The following HAS3 variants were observed in gnomAD, a reference collection of about 807,000 sequenced individuals.
The protein encoded by HAS3 is HA synthase 3.
Under a neutral mutation model 50.3 loss-of-function variants are expected in HAS3, and 27 were observed. The ratio of observed to expected loss-of-function variants is 0.54; its 90% CI spans 0.40 to 0.74. The LOEUF is 0.74. Among genes scored for constraint, HAS3 ranks in the 30% least tolerant of loss-of-function variants. The probability of loss-of-function intolerance (pLI) is 0.00; values close to 1 mark genes in which losing one functional copy is unlikely to be tolerated. For missense variants in HAS3, 517 were observed against 742.8 expected (o/e 0.70, Z 3.53); for synonymous variants, 339 against 310.9 (o/e 1.09, Z -0.95).
the HAS3 span, among the ~76,000 whole-genome samples, chr16:69,086,828 T>C: frequency 3.3e-5 from 5 of 152,290 alleles, no homozygotes; most frequent in Non-Finnish European, 5.9e-5. Context: ...CGCTTGAACC[T>C]GGGAAGCAGA....
the HAS3 span, among the ~76,000 whole-genome samples, chr16:69,097,752 C>T: frequency 1.3e-5 from 2 of 152,140 alleles, no homozygotes; most frequent in African/African-American, 4.8e-5. Flanking sequence ...ATGTGCCTCC[C>T]CCTCTTGCCC....
chr16:69,114,192 T>C lies in HAS3; in HGVS notation c.739-151T>C. 1 of 1,186,292 alleles carries C rather than the reference T, an allele frequency of 8.4e-7. No individual in the cohort carries two copies. The allele number at this position is 1,186,292 out of a possible 1,614,324, so 73.5% of individuals were successfully genotyped here. On this transcript the variant is annotated intron_variant, in intron 3 of 3. Coordinates refer to ENST00000569188, the MANE Select transcript of HAS3 (RefSeq NM_001199280.2). The surrounding 1 kb of genome is among the most constrained non-coding windows in gnomAD (Gnocchi z 6.4). Reference sequence around the variant, plus strand: ...AGGGATTGTGTGTGGTTGGCTCCTCTGAGCCTCAGGTTTCCCAGCTCCAAA... The same window carrying C: ...AGGGATTGTGTGTGGTTGGCTCCTCCGAGCCTCAGGTTTCCCAGCTCCAAA...
intron 2 of HAS3, among the ~76,000 whole-genome samples, chr16:69,112,030 G>A (rs531618143): frequency 5.3e-5 from 8 of 152,336 alleles, no homozygotes; most frequent in South Asian, 2.1e-4. Flanking sequence ...TCTTCTAACC[G>A]CCTGCTGCGG....
At chr16:69,110,238 T>C (rs1258091747) in intron 2 of HAS3, among the ~76,000 whole-genome samples, 1 of 152,042 alleles carries the variant, frequency 6.6e-6, no homozygotes, top group African/African-American at 2.4e-5. Flanking sequence ...GATCACAAGG[T>C]CAGGAGATCC....
At chr16:69,093,760 C>T in the HAS3 span, among the ~76,000 whole-genome samples, 1 of 151,912 alleles carries the variant, frequency 6.6e-6, no homozygotes, top group East Asian at 1.9e-4. Flanking sequence ...GAACTCCCGA[C>T]CTCAGGTGAT....
rs1345488872 is a variant in HAS3 at position 69,116,822 on chromosome 16, T to C, written c.*1556T>C. 1.0e-6 allele frequency: 1 copy of C among 985,358 alleles called. No homozygotes were observed. Among genetic ancestry groups the C allele is most frequent in the Non-Finnish European group, 1.2e-6 (1 of 829,872 alleles). The allele number at this position is 985,358 out of a possible 1,614,324, so 61.0% of individuals were successfully genotyped here. ...AGCCTTTGACTTAAGGGTTGCTTGCTTGCCCTCCAAATGTCCTTTCTCAGA... is the reference window on the plus strand; with the variant it reads ...AGCCTTTGACTTAAGGGTTGCTTGCCTGCCCTCCAAATGTCCTTTCTCAGA... On this transcript the variant is annotated 3_prime_UTR_variant, in exon 4 of 4. Transcript: ENST00000569188.
chr16:69,118,128 C>T, downstream of HAS3: 3 of 355,370 alleles, frequency 8.4e-6, no homozygotes, highest in South Asian at 1.5e-4. Context: ...TCATCCCCCA[C>T]CCCCACCCTA....
chr16:69,113,175 G>C (rs1266425503), intron 2 of HAS3, among the ~76,000 whole-genome samples: 1 of 152,204 alleles, frequency 6.6e-6, no homozygotes, highest in Admixed American at 6.5e-5. Flanking sequence ...TGCTAAGCAT[G>C]TCTCTCTCCA....
chr16:69,091,564 C>A, the HAS3 span, among the ~76,000 whole-genome samples: 1 of 152,052 alleles, frequency 6.6e-6, no homozygotes, highest in Non-Finnish European at 1.5e-5. Context: ...AATGCAAGTT[C>A]AGTCTCAAAG....
At position 69,115,984 on chromosome 16, in the gene HAS3, G is replaced by A. The variant is rs1409520119; in HGVS notation, c.*718G>A. The A allele has an allele frequency of 1.0e-6, 1 of 985,818 alleles. No homozygotes were observed. Among genetic ancestry groups the A allele is most frequent in the South Asian group, 4.7e-5 (1 of 21,292 alleles). 61.1% of individuals were successfully genotyped at this position (985,818 alleles called of 1,614,324 possible). Reference sequence around the variant, plus strand: ...GTGGTGGTGCTAAAGGAGGCCATAAGCTACACAGAGGCCTTGGGTGTTCCA... The same window carrying A: ...GTGGTGGTGCTAAAGGAGGCCATAAACTACACAGAGGCCTTGGGTGTTCCA... On this transcript the variant is annotated 3_prime_UTR_variant, in exon 4 of 4. Transcript: ENST00000569188.
rs1034779421 is a variant in HAS3 at position 69,115,895 on chromosome 16, G to C, written c.*629G>C. 4.1e-6 allele frequency: 4 copies of C among 985,744 alleles called. No individual in the cohort carries two copies. The highest frequency in any genetic ancestry group is 6.1e-5 in the Admixed American group (1 of 16,262). 61.1% of individuals were successfully genotyped at this position (985,744 alleles called of 1,614,324 possible). On this transcript the variant is annotated 3_prime_UTR_variant, in exon 4 of 4. Coordinates refer to ENST00000569188, the MANE Select transcript of HAS3 (RefSeq NM_001199280.2). ...GATGAGCCAAACCAGCAGGGAGTTA[G>C]CACTGAACTGCTTTTAAAAGTGCAC... is the stretch of plus-strand genomic sequence containing the variant.
chr16:69,102,988 G>A (rs1960711928), upstream of HAS3, among the ~76,000 whole-genome samples: 1 of 147,554 alleles, frequency 6.8e-6, no homozygotes, highest in African/African-American at 2.5e-5. Flanking sequence ...ATTATGTCTG[G>A]CCTGTGGAGT....
In HAS3 at chr16:69,114,800, A is replaced by G; in HGVS notation, c.1196A>G (p.Gln399Arg). Residue 399 changes from glutamine (Q) to arginine (R), a missense_variant, in exon 4 of 4, where the codon CAG (glutamine) becomes CGG (arginine). Coordinates refer to ENST00000569188, the MANE Select transcript of HAS3 (RefSeq NM_001199280.2). The surrounding 1 kb of genome is among the most constrained non-coding windows in gnomAD (Gnocchi z 6.4). ...FPFFLIATVI[Q>R]LFYRGRIWNI... is the part of the protein sequence containing the mutation. Reference sequence around the variant, plus strand: ...TTCTTCCTCATTGCCACGGTTATACAGCTTTTCTACCGGGGCCGCATCTGG... The same window carrying G: ...TTCTTCCTCATTGCCACGGTTATACGGCTTTTCTACCGGGGCCGCATCTGG... The G allele has an allele frequency of 6.2e-7, 1 of 1,614,044 alleles. No individual in the cohort carries two copies. The highest frequency in any genetic ancestry group is 8.5e-7 in the Non-Finnish European group (1 of 1,180,012).
At position 69,109,887 on chromosome 16, in the gene HAS3, G is replaced by C. The variant is rs774986790; in HGVS notation, c.492G>C (p.Glu164Asp). ...NFHEAGEGET[E>D]ASLQEGMDRV... Reference sequence around the variant, plus strand: ...ATGAGGCAGGCGAGGGTGAGACGGAGGCCAGCCTGCAGGAGGGCATGGACC... The same window carrying C: ...ATGAGGCAGGCGAGGGTGAGACGGACGCCAGCCTGCAGGAGGGCATGGACC... Residue 164 changes from glutamate (E) to aspartate (D), a missense_variant, in exon 2 of 4, where the codon GAG (glutamate) becomes GAC (aspartate). Coordinates refer to ENST00000569188, the MANE Select transcript of HAS3 (RefSeq NM_001199280.2). The surrounding 1 kb of genome is among the most constrained non-coding windows in gnomAD (Gnocchi z 5.3). 3.3e-5 allele frequency: 54 copies of C among 1,613,826 alleles called. No individual in the cohort carries two copies. The highest frequency in any genetic ancestry group is 4.5e-5 in the Non-Finnish European group (53 of 1,180,054).
Position 69,113,909 on chromosome 16 carries a change from C to T in HAS3, c.738+367C>T, listed in dbSNP as rs529251620. 2.6e-5 allele frequency among the ~76,000 whole-genome samples: 4 copies of T among 152,248 alleles called. No homozygotes were observed. The East Asian group carries it at 7.7e-4, about 29-fold the overall frequency. On this transcript the variant is annotated intron_variant, in intron 3 of 3. Coordinates refer to ENST00000569188, the MANE Select transcript of HAS3 (RefSeq NM_001199280.2). ...AGGAGATGGGCTGAAGAGCTCTGGTCAATACGGTAAGAATAAGGGCCCCAA... is the reference window on the plus strand; with the variant it reads ...AGGAGATGGGCTGAAGAGCTCTGGTTAATACGGTAAGAATAAGGGCCCCAA...
At position 69,116,736 on chromosome 16, in the gene HAS3, C is replaced by T; in HGVS notation, c.*1470C>T. On this transcript the variant is annotated 3_prime_UTR_variant, in exon 4 of 4. Transcript: ENST00000569188. ...TGGGGAATGAGGGGAAGCCATTTTC[C>T]AGTGACTTGCAATCCAGGCTGTTCT... 3.0e-6 allele frequency: 3 copies of T among 985,372 alleles called. No individual in the cohort carries two copies. The highest frequency in any genetic ancestry group is 3.6e-6 in the Non-Finnish European group (3 of 829,922). 61.0% of individuals were successfully genotyped at this position (985,372 alleles called of 1,614,324 possible). A position where few individuals can be genotyped will look rare whatever the true frequency, so the allele number is the denominator to read the frequency against.
intron 2 of HAS3, 49 bp from the exon 3 acceptor site, chr16:69,113,392 G>T (rs1961072325): frequency 1.7e-6 from 2 of 1,191,104 alleles, no homozygotes; most frequent in Admixed American, 3.4e-5. Flanking sequence ...GGGGGACAGG[G>T]TGTGCAGGTC....
intron 2 of HAS3, among the ~76,000 whole-genome samples, chr16:69,111,973 G>A (rs1961017161): frequency 6.6e-6 from 1 of 152,250 alleles, no homozygotes; most frequent in African/African-American, 2.4e-5. Flanking sequence ...CACTGCATAA[G>A]GTTGCCCTGG....
At chr16:69,096,571 T>G in the HAS3 span, among the ~76,000 whole-genome samples, 10 of 119,762 alleles carry the variant, frequency 8.3e-5, no homozygotes, top group African/African-American at 1.3e-4. Context: ...AAAAGAATTG[T>G]GGGGCCAGGC....
Sources: allele counts gnomAD v4.1 joint callset (sites outside exome capture counted in the v4.1 genomes callset), GRCh38; gene constraint gnomAD v4.1.1; non-coding constraint Gnocchi (gnomAD v3.1); transcripts MANE v1.5; gene names NCBI Gene and HGNC (gene_info 2026-07-23, HGNC 2026-07-21).